ADCY2: variants seen among roughly 807,000 people sequenced by gnomAD.
The protein encoded by ADCY2 is adenylate cyclase 2.
In ADCY2, 31 loss-of-function variants were observed where a neutral mutation model predicts 125.2. The ratio of observed to expected loss-of-function variants is 0.25; its 90% CI spans 0.19 to 0.33. The LOEUF is 0.33. Ranked by LOEUF, ADCY2 falls within the 10% of genes least tolerant of loss-of-function variation. The pLI is 1.00. For missense variants in ADCY2, 904 were observed against 1,418.2 expected (o/e 0.64, Z 5.82); for synonymous variants, 512 against 548.4 (o/e 0.93, Z 0.93).
At chr5:7,444,361 C>T (rs960519416) in intron 2 of ADCY2, among the ~76,000 whole-genome samples, 6 of 151,952 alleles carry the variant, frequency 3.9e-5, no homozygotes, top group East Asian at 1.9e-4. Context: ...GTGATCCTCC[C>T]GCCTCGGCCT....
chr5:7,434,195 G>C (rs1740712075), intron 2 of ADCY2, among the ~76,000 whole-genome samples: 1 of 152,288 alleles, frequency 6.6e-6, no homozygotes, highest in East Asian at 1.9e-4. Flanking sequence ...TTACACGCAT[G>C]CATGGGACTC....
intron 14 of ADCY2, among the ~76,000 whole-genome samples, chr5:7,742,141 A>C (rs561060819): frequency 3.3e-5 from 5 of 152,012 alleles, no homozygotes; most frequent in Admixed American, 2.6e-4. Context: ...AAAAAAAAAA[A>C]AAACCTGTCA....
intron 3 of ADCY2, among the ~76,000 whole-genome samples, chr5:7,535,936 A>G (rs1413540935): frequency 1.3e-5 from 2 of 152,256 alleles, no homozygotes; most frequent in Admixed American, 6.5e-5. Context: ...TTAACCAGTC[A>G]GAGAAGGTCG....
intron 3 of ADCY2, chr5:7,611,256 T>C (rs920519301): frequency 6.6e-6 from 1 of 152,200 alleles, no homozygotes; most frequent in Non-Finnish European, 1.5e-5. Flanking sequence ...TATTAAATGT[T>C]TCTCAAGTAG....
intron 4 of ADCY2, among the ~76,000 whole-genome samples, chr5:7,681,785 T>TA (rs151303682): frequency 3.3e-5 from 5 of 151,832 alleles, no homozygotes; most frequent in Admixed American, 1.3e-4. Flanking sequence ...CAAAACCATT[T>TA]AAAAAAAGGG....
intron 15 of ADCY2, chr5:7,746,157 G>T (rs1407180874): frequency 6.6e-6 from 1 of 152,382 alleles, no homozygotes; most frequent in Non-Finnish European, 1.5e-5. Flanking sequence ...TTGACTCCGT[G>T]GTATCACAAA....
intron 4 of ADCY2, among the ~76,000 whole-genome samples, chr5:7,650,586 C>T (rs903520950): frequency 1.3e-5 from 2 of 152,098 alleles, no homozygotes; most frequent in African/African-American, 4.8e-5. Flanking sequence ...GAGCCCACTG[C>T]GTGGGAGCCT....
At chr5:7,452,208 C>T (rs987789857) in intron 2 of ADCY2, among the ~76,000 whole-genome samples, 14 of 152,230 alleles carry the variant, frequency 9.2e-5, no homozygotes, top group East Asian at 1.9e-4. Flanking sequence ...CAACCGTGCC[C>T]GGCCCCCAAT....
intron 4 of ADCY2, among the ~76,000 whole-genome samples, chr5:7,682,806 G>A (rs537791616): frequency 5.3e-5 from 8 of 152,292 alleles, no homozygotes; most frequent in Admixed American, 3.9e-4. Context: ...CATTACTTTT[G>A]CATCCAATGA....
intron 14 of ADCY2, 102 bp downstream of exon 14, chr5:7,727,363 G>C: frequency 1.0e-6 from 1 of 960,188 alleles, no homozygotes; most frequent in Non-Finnish European, 1.6e-6. Flanking sequence ...TTTAGACAGA[G>C]GGGTGATTTA....
chr5:7,546,556 C>T (rs1326382315), intron 3 of ADCY2, among the ~76,000 whole-genome samples: 2 of 152,200 alleles, frequency 1.3e-5, no homozygotes, highest in Non-Finnish European at 2.9e-5. Flanking sequence ...CAATGATTCC[C>T]CTTTCCCCAG....
At chr5:7,607,904 C>A (rs1737435897) in intron 3 of ADCY2, among the ~76,000 whole-genome samples, 1 of 152,100 alleles carries the variant, frequency 6.6e-6, no homozygotes, top group South Asian at 2.1e-4. Context: ...TGTAATCACA[C>A]CAAAGATGTG....
intron 2 of ADCY2, among the ~76,000 whole-genome samples, chr5:7,467,615 G>A (rs1156583823): frequency 6.6e-6 from 1 of 152,164 alleles, no homozygotes; most frequent in African/African-American, 2.4e-5. Context: ...CTTTTGTGGA[G>A]AAGGAAATAA....
Position 7,396,398 on chromosome 5 carries a change from C to CGCT in ADCY2, c.103_104insCTG (p.Tyr34_Glu35insAla). The CGCT allele has an allele frequency of 6.4e-7, 1 of 1,571,394 alleles. No homozygotes were observed. On this transcript the variant is annotated inframe_insertion, in exon 1 of 25. Coordinates refer to ENST00000338316, the MANE Select transcript of ADCY2 (RefSeq NM_020546.3). The surrounding 1 kb of genome is among the most constrained non-coding windows in gnomAD (Gnocchi z 5.7). The stretch of plus-strand genomic sequence containing the variant: ...TGCCGCGGTCCCGGGACTGGCTCTA[C>CGCT]GAGTCCTACTACTGCATGAGCCAGC...
Position 7,804,040 on chromosome 5 carries a change from A to AGAGAGAGAG in ADCY2, c.2776-545_2776-544insGAGAGAGAG, listed in dbSNP as rs1744682437. Among the ~76,000 whole-genome samples the AGAGAGAGAG allele has an allele frequency of 2.6e-4, 28 of 106,614 alleles. 2 individuals are homozygous for AGAGAGAGAG. The highest frequency in any genetic ancestry group is 7.4e-4 in the African/African-American group (20 of 26,994). The allele number at this position is 106,614 out of a possible 152,430, so 69.9% of individuals were successfully genotyped here. The stretch of plus-strand genomic sequence containing the variant: ...TCTTAGGCCTCCCATGGAGGGGGGA[A>AGAGAGAGAG]AGAGAGAGAGAGAGAGAGAGAGAGA... On this transcript the variant is annotated intron_variant, in intron 21 of 24. Coordinates refer to ENST00000338316, the MANE Select transcript of ADCY2 (RefSeq NM_020546.3).
At chr5:7,502,157 G>A (rs1286144385) in intron 2 of ADCY2, among the ~76,000 whole-genome samples, 3 of 152,038 alleles carry the variant, frequency 2.0e-5, no homozygotes, top group African/African-American at 7.2e-5. Context: ...CAGCAACAAT[G>A]GTGAGAAAAA....
At chr5:7,817,045 G>A (rs1579472770) in intron 23 of ADCY2, 65 bp downstream of exon 23, 3 of 1,229,298 alleles carry the variant, frequency 2.4e-6, no homozygotes, top group East Asian at 4.7e-5. Flanking sequence ...GAGTAAGTCA[G>A]GAGATATTGA....
chr5:7,516,972 G>C (rs940973104), intron 2 of ADCY2, among the ~76,000 whole-genome samples: 2 of 152,060 alleles, frequency 1.3e-5, no homozygotes, highest in Admixed American at 6.5e-5. Flanking sequence ...TGACTTTCAA[G>C]GATTTGCATC....
chr5:7,402,117 A>G (rs1003287369), intron 1 of ADCY2, among the ~76,000 whole-genome samples: 1 of 152,222 alleles, frequency 6.6e-6, no homozygotes, highest in Non-Finnish European at 1.5e-5. Flanking sequence ...GCAAGCTATC[A>G]TCATTATCAT....
Sources: allele counts gnomAD v4.1 joint callset (sites outside exome capture counted in the v4.1 genomes callset), GRCh38; gene constraint gnomAD v4.1.1; non-coding constraint Gnocchi (gnomAD v3.1); transcripts MANE v1.5; gene names NCBI Gene and HGNC (gene_info 2026-07-23, HGNC 2026-07-21).